LINGO2: variants seen among roughly 807,000 people sequenced by gnomAD.
The protein encoded by LINGO2 is leucine rich repeat and Ig domain containing 2, also known as leucine-rich repeat and immunoglobulin-like domain-containing nogo receptor-interacting protein 2.
LINGO2 carries 14 observed loss-of-function variants against 30.6 expected under a neutral mutation model. The ratio of observed to expected loss-of-function variants is 0.46; its 90% CI spans 0.30 to 0.72. The LOEUF (loss-of-function observed/expected upper bound fraction) is 0.72. Among genes scored for constraint, LINGO2 ranks in the 30% least tolerant of loss-of-function variants. The pLI is 0.07. For synonymous variants in LINGO2, 317 were observed against 288.5 expected, an observed-to-expected ratio of 1.10 and a Z score of -1.00; for missense variants, 729 against 751.7, an observed-to-expected ratio of 0.97 and a Z score of 0.35.
the LINGO2 span, among the ~76,000 whole-genome samples, chr9:28,889,882 A>G: frequency 1.3e-5 from 2 of 152,046 alleles, no homozygotes; most frequent in African/African-American, 4.8e-5. Context: ...TTTTTCTGAA[A>G]TTTTAAGCTC....
At chr9:28,768,743 A>C in the LINGO2 span, among the ~76,000 whole-genome samples, 1 of 152,070 alleles carries the variant, frequency 6.6e-6, no homozygotes, top group Non-Finnish European at 1.5e-5. Context: ...TTTATACTGA[A>C]TATAGTACTT....
intron 4 of LINGO2, among the ~76,000 whole-genome samples, chr9:28,150,175 C>T (rs958959088): frequency 4.7e-5 from 7 of 147,938 alleles, no homozygotes; most frequent in African/African-American, 1.5e-4. Flanking sequence ...AAGGGAGAAG[C>T]GCCTCTGCCC....
At chr9:28,686,241 T>TA in the LINGO2 span, among the ~76,000 whole-genome samples, 1 of 152,042 alleles carries the variant, frequency 6.6e-6, no homozygotes. Context: ...GTGCTAAGTG[T>TA]AATATAATGC....
At chr9:28,441,827 T>A (rs1449164293) in intron 2 of LINGO2, among the ~76,000 whole-genome samples, 1 of 152,154 alleles carries the variant, frequency 6.6e-6, no homozygotes. Context: ...TGCAAACAAA[T>A]AACTCTCTAG....
intron 4 of LINGO2, among the ~76,000 whole-genome samples, chr9:28,266,700 C>G (rs2134069582): frequency 6.6e-6 from 1 of 152,052 alleles, no homozygotes; most frequent in Admixed American, 6.6e-5. Context: ...ACCAGAAAGG[C>G]AAAACCTAAA....
intron 4 of LINGO2, among the ~76,000 whole-genome samples, chr9:28,159,916 TGATA>T (rs1828239364): frequency 6.6e-6 from 1 of 152,170 alleles, no homozygotes; most frequent in Non-Finnish European, 1.5e-5. Context: ...TAAAAAAAGT[TGATA>T]GATGTCTGTT....
At chr9:28,857,214 T>C in the LINGO2 span, among the ~76,000 whole-genome samples, 91 of 152,010 alleles carry the variant, frequency 6.0e-4, no homozygotes, top group South Asian at 1.7e-3. Flanking sequence ...TTGGAACAGA[T>C]AGAATTTTCT....
intron 2 of LINGO2, among the ~76,000 whole-genome samples, chr9:28,423,570 A>C (rs1239127232): frequency 6.6e-6 from 1 of 152,098 alleles, no homozygotes; most frequent in African/African-American, 2.4e-5. Context: ...GTTCAGAATA[A>C]AATTTCCAGG....
Position 28,311,904 on chromosome 9 carries a change from C to T in LINGO2, c.-245-16538G>A, listed in dbSNP as rs185997870. Among the ~76,000 whole-genome samples, 832 of 152,252 alleles carry T rather than the reference C, an allele frequency of 5.5e-3. 12 individuals carry two copies. The highest frequency in any genetic ancestry group is 0.027 in the Middle Eastern group (8 of 294). On this transcript the variant is annotated intron_variant, in intron 3 of 5. Transcript: ENST00000379992. ...GTGATAAGTATCCATGAAATCTTCA[C>T]AATTTATATTCAGAGACTGCAGTAA...
At chr9:28,562,457 C>CAAAA (rs56998877) in intron 1 of LINGO2, among the ~76,000 whole-genome samples, 3,912 of 109,054 alleles carry the variant, frequency 0.036, 272 homozygotes, top group African/African-American at 0.11. Context: ...CATTTACTTT[C>CAAAA]AAAAAAAAAA....
chr9:28,189,132 G>A (rs1375286094), intron 4 of LINGO2, among the ~76,000 whole-genome samples: 2 of 151,882 alleles, frequency 1.3e-5, no homozygotes, highest in Non-Finnish European at 1.5e-5. Flanking sequence ...AGTTCCTGAG[G>A]TTAGCTTTAT....
At chr9:28,862,039 T>C in the LINGO2 span, among the ~76,000 whole-genome samples, 2 of 152,108 alleles carry the variant, frequency 1.3e-5, no homozygotes, top group African/African-American at 4.8e-5. Flanking sequence ...ATTAAAAACA[T>C]AAGCTTCGGC....
chr9:28,214,620 A>G (rs1329387999), intron 4 of LINGO2, among the ~76,000 whole-genome samples: 1 of 151,610 alleles, frequency 6.6e-6, no homozygotes, highest in Non-Finnish European at 1.5e-5. Context: ...CTAGGAGCCC[A>G]CAGAGGTATA....
intron 4 of LINGO2, among the ~76,000 whole-genome samples, chr9:28,036,870 C>G (rs2798785): frequency 0.011 from 1,719 of 152,272 alleles, 24 homozygotes; most frequent in African/African-American, 0.038. Context: ...AATATAATGA[C>G]TAGCTCAGCC....
At chr9:28,290,435 A>C (rs992520930) in intron 4 of LINGO2, among the ~76,000 whole-genome samples, 3 of 152,190 alleles carry the variant, frequency 2.0e-5, no homozygotes, top group Non-Finnish European at 4.4e-5. Flanking sequence ...CTAATATGGC[A>C]GACTAAAAGT....
the LINGO2 span, among the ~76,000 whole-genome samples, chr9:29,170,846 T>G: frequency 6.6e-6 from 1 of 152,092 alleles, no homozygotes; most frequent in Middle Eastern, 3.4e-3. Flanking sequence ...ATAAAATAAA[T>G]ATGACACTTT....
At chr9:29,070,167 C>G in the LINGO2 span, among the ~76,000 whole-genome samples, 1 of 151,962 alleles carries the variant, frequency 6.6e-6, no homozygotes, top group Non-Finnish European at 1.5e-5. Context: ...ATTAGACTCC[C>G]TATGAGGAAC....
chr9:28,462,074 C>T (rs1040675046), intron 2 of LINGO2, among the ~76,000 whole-genome samples: 8 of 152,082 alleles, frequency 5.3e-5, no homozygotes, highest in Non-Finnish European at 8.8e-5. Context: ...CTTATCTCAA[C>T]ACTATTCTTT....
the LINGO2 span, among the ~76,000 whole-genome samples, chr9:29,000,221 G>A: frequency 1.3e-5 from 2 of 151,930 alleles, no homozygotes; most frequent in East Asian, 3.9e-4. Flanking sequence ...TTTTTCCTAT[G>A]AATTAATCTG....
Sources: gnomAD v4.1 joint callset for allele counts (sites outside exome capture counted in the v4.1 genomes callset) on GRCh38, gnomAD v4.1.1 for gene constraint, MANE v1.5 for transcripts, NCBI Gene and HGNC (gene_info 2026-07-23, HGNC 2026-07-21) for gene names.